The following ARVCF variants were observed in gnomAD, a reference collection of about 807,000 sequenced individuals.
The protein encoded by ARVCF is splicing regulator ARVCF.
In ARVCF, 66 loss-of-function variants were observed where a neutral mutation model predicts 90.9. That is an observed-to-expected ratio of 0.73 (90% CI 0.60 to 0.89). The LOEUF (loss-of-function observed/expected upper bound fraction) is 0.89, where lower values mean the gene tolerates loss of function less well. ARVCF is among the 40% of genes least tolerant of loss of function. The pLI is 0.00. For synonymous variants in ARVCF, 653 were observed against 603.4 expected (o/e 1.08, Z -1.21); for missense variants, 1,469 against 1,382.3 (o/e 1.06, Z -1.00).
chr22:20,016,721 C>CG lies in ARVCF; in HGVS notation c.-206dup, dbSNP rs1467085543. 1 of 151,138 alleles carries CG rather than the reference C, an allele frequency of 6.6e-6. No individual in the cohort carries two copies. The highest frequency in any genetic ancestry group is 6.6e-5 in the Admixed American group (1 of 15,162). The allele number at this position is 151,138 out of a possible 1,614,324, so 9.4% of individuals were successfully genotyped here. A position where few individuals can be genotyped will look rare whatever the true frequency, so the allele number is the denominator to read the frequency against. ...GGCGCGGCGCGGGTCGCAGTCCACG[C>CG]GGCCGCAACTCGGACCGGTGCGGGG... On this transcript the variant is annotated 5_prime_UTR_variant, in exon 1 of 20. Coordinates refer to ENST00000263207, the MANE Select transcript of ARVCF (RefSeq NM_001670.3).
rs894145707 is a variant in ARVCF at position 19,971,337 on chromosome 22, T to C, written c.2782-2A>G. On this transcript the variant is annotated splice_acceptor_variant, in intron 18 of 19. Coordinates refer to ENST00000263207, the MANE Select transcript of ARVCF (RefSeq NM_001670.3). LOFTEE classifies it high-confidence loss of function. ...AGGGGCCTTCCTGCTGGGGTCGAGC[T>C]GCAGCGCACGGGTGGGCATTAGAGG... 10 of 1,551,636 alleles carry C rather than the reference T, an allele frequency of 6.4e-6. No homozygotes were observed. The Admixed American group carries it at 1.4e-4, about 21-fold the overall frequency.
chr22:19,992,980 C>T (rs1431651851), intron 2 of ARVCF, among the ~76,000 whole-genome samples: 2 of 152,192 alleles, frequency 1.3e-5, no homozygotes, highest in South Asian at 2.1e-4. Flanking sequence ...TTCTCATTGC[C>T]GAACTTGGCT....
Position 19,976,733 on chromosome 22 carries a change from C to T in ARVCF, c.1871-10G>A, listed in dbSNP as rs1401371709. 6 of 1,560,110 alleles carry T rather than the reference C, an allele frequency of 3.8e-6. No individual in the cohort carries two copies. The South Asian group carries it at 4.7e-5, about 12-fold the overall frequency. On this transcript the variant is annotated splice_polypyrimidine_tract_variant and intron_variant, in intron 9 of 19. Coordinates refer to ENST00000263207, the MANE Select transcript of ARVCF (RefSeq NM_001670.3). ...TGGTGGAACCACTCCTCTGGGAGGC[C>T]GGAGGAAGCAGAGGAGAGAGGAGAG...
At chr22:19,995,819 C>T (rs971032678) in intron 2 of ARVCF, among the ~76,000 whole-genome samples, 4 of 152,064 alleles carry the variant, frequency 2.6e-5, no homozygotes, top group Admixed American at 1.3e-4. Flanking sequence ...GGACGGATGA[C>T]CATCGAGCCT....
intron 2 of ARVCF, among the ~76,000 whole-genome samples, chr22:19,998,617 T>C (rs1944338982): frequency 1.3e-5 from 2 of 152,060 alleles, no homozygotes; most frequent in Admixed American, 1.3e-4. Flanking sequence ...GGGGGGTTCC[T>C]GCTTTCCCCT....
At chr22:19,988,889 T>C (rs1303985045) in intron 3 of ARVCF, among the ~76,000 whole-genome samples, 1 of 151,682 alleles carries the variant, frequency 6.6e-6, no homozygotes, top group African/African-American at 2.4e-5. Flanking sequence ...GCAGGGGTGG[T>C]AGGTGGAGGG....
chr22:19,988,259 G>T (rs907928811), intron 3 of ARVCF, among the ~76,000 whole-genome samples: 2 of 152,194 alleles, frequency 1.3e-5, no homozygotes, highest in Non-Finnish European at 2.9e-5. Context: ...ACCTGCAGAG[G>T]GGTGAGCTAC....
At chr22:19,997,423 C>T (rs1307705045) in intron 2 of ARVCF, among the ~76,000 whole-genome samples, 3 of 152,206 alleles carry the variant, frequency 2.0e-5, no homozygotes, top group Non-Finnish European at 4.4e-5. Context: ...CCTGTGCCAA[C>T]AGCAGCATCC....
At chr22:19,976,495 A>G (rs1278603848) in intron 10 of ARVCF, among the ~76,000 whole-genome samples, 1 of 152,074 alleles carries the variant, frequency 6.6e-6, no homozygotes, top group Admixed American at 6.5e-5. Context: ...GGCCCTGCCC[A>G]CTCTTGGCTC....
chr22:19,981,440 C>A lies in ARVCF; in HGVS notation c.667G>T (p.Gly223Cys). ...CCAGGCAGTGTGAAGCAGCCATCAC[C>A]AGGGCCTGGGCCAAGGGGGCCAGCA... ...PRAGPLGPGP[G>C]DGCFTLPGHR... Residue 223 changes from glycine to cysteine, a missense_variant, in exon 5 of 20, where the codon GGT becomes TGT. By Grantham distance (159) the Gly-to-Cys change is radical. Coordinates refer to ENST00000263207, the MANE Select transcript of ARVCF (RefSeq NM_001670.3). The A allele has an allele frequency of 6.4e-7, 1 of 1,564,338 alleles. No individual in the cohort carries two copies. Among genetic ancestry groups the A allele is most frequent in the South Asian group, 1.2e-5 (1 of 86,698 alleles).
intron 1 of ARVCF, among the ~76,000 whole-genome samples, chr22:20,011,342 G>A (rs1170309064): frequency 6.6e-6 from 1 of 152,152 alleles, no homozygotes; most frequent in Non-Finnish European, 1.5e-5. Flanking sequence ...GGAAGGGCTG[G>A]GCCTCGGATG....
chr22:19,981,353 C>T lies in ARVCF; in HGVS notation c.754G>A (p.Glu252Lys), dbSNP rs774143695. Residue 252 changes from glutamate (E) to lysine (K), a missense_variant, in exon 5 of 20, where the codon GAG becomes AAG. Glu to Lys is a moderately conservative substitution (Grantham distance 56). Transcript: ENST00000263207. The part of the protein sequence containing the change: ...PGPPGGRSLP[E>K]RFQAEPYGLE... ...CCATACGGCTCTGCCTGGAAGCGCT[C>T]GGGCAGGGAGCGGCCACCTGGTGGC... 1.6e-5 allele frequency: 26 copies of T among 1,605,742 alleles called. No homozygotes were observed. Among genetic ancestry groups the T allele is most frequent in the South Asian group, 2.2e-5 (2 of 90,092 alleles).
In ARVCF at chr22:19,973,052, C is replaced by T. The variant is rs371324320; in HGVS notation, c.2439-16G>A. On this transcript the variant is annotated splice_polypyrimidine_tract_variant and intron_variant, in intron 14 of 19. Coordinates refer to ENST00000263207, the MANE Select transcript of ARVCF (RefSeq NM_001670.3). Reference sequence around the variant, plus strand: ...TACCGATTGGCTGTGGGGCCGGGGGCGGGGTCAGTGGTGGCCCCTCCCCCA... The same window carrying T: ...TACCGATTGGCTGTGGGGCCGGGGGTGGGGTCAGTGGTGGCCCCTCCCCCA... The T allele has an allele frequency of 1.1e-5, 18 of 1,609,328 alleles. No homozygotes were observed. Among genetic ancestry groups the T allele is most frequent in the Middle Eastern group, 1.7e-4 (1 of 5,866 alleles).
intron 9 of ARVCF, 81 bp downstream of exon 9, chr22:19,977,334 G>A: frequency 6.9e-7 from 1 of 1,440,316 alleles, no homozygotes; most frequent in South Asian, 1.6e-5. Context: ...TCCATGATGG[G>A]CTGCTGTGGG....
In ARVCF at chr22:19,989,212, CCCAGCACCGAGACCCA is replaced by C. The variant is rs1269574744; in HGVS notation, c.210+1357_210+1372del. Among the ~76,000 whole-genome samples the C allele has an allele frequency of 3.3e-5, 5 of 151,916 alleles. No individual in the cohort carries two copies. The East Asian group carries it at 9.7e-4, about 29-fold the overall frequency. Reference sequence around the variant, plus strand: ...CAAGTCTGAGGGCTGTGAGAGTGGCCCCAGCACCGAGACCCACCAGAGGCCTCTGAGCACCAGGGGC... The same window carrying C: ...CAAGTCTGAGGGCTGTGAGAGTGGCCCCAGAGGCCTCTGAGCACCAGGGGC... On this transcript the variant is annotated intron_variant, in intron 3 of 19. Transcript: ENST00000263207.
intron 3 of ARVCF, among the ~76,000 whole-genome samples, chr22:19,989,924 T>C (rs1943962969): frequency 6.6e-6 from 1 of 152,090 alleles, no homozygotes. Context: ...ACATCCCAAG[T>C]CTCCCTGCAT....
At chr22:20,000,759 T>C (rs972236101) in intron 2 of ARVCF, among the ~76,000 whole-genome samples, 4 of 152,138 alleles carry the variant, frequency 2.6e-5, no homozygotes, top group African/African-American at 9.7e-5. Flanking sequence ...AGTGTCCTTA[T>C]CAAAGCGGCT....
intron 17 of ARVCF, 90 bp from the exon 18 acceptor site, chr22:19,972,061 CG>C: frequency 7.8e-7 from 1 of 1,287,308 alleles, no homozygotes; most frequent in Non-Finnish European, 1.1e-6. Flanking sequence ...ACAGGGGACT[CG>C]TGGGACAGGG....
At chr22:19,965,824 G>A (rs1942361725), downstream of ARVCF, among the ~76,000 whole-genome samples, 1 of 152,028 alleles carries the variant, frequency 6.6e-6, no homozygotes, top group Non-Finnish European at 1.5e-5. Context: ...GGCATTGGGA[G>A]GGTGGGAGGG....
Sources: gnomAD v4.1 joint callset for allele counts (sites outside exome capture counted in the v4.1 genomes callset) on GRCh38, gnomAD v4.1.1 for gene constraint, MANE v1.5 for transcripts, NCBI Gene and HGNC (gene_info 2026-07-23, HGNC 2026-07-21) for gene names.